STPG1: variants seen among roughly 807,000 people sequenced by gnomAD.
STPG1 encodes sperm tail PG-rich repeat containing 1.
A neutral mutation model predicts 40.1 loss-of-function variants in STPG1; 33 were observed. The observed-to-expected ratio is 0.82, with a 90% CI of 0.62 to 1.10. STPG1 has a LOEUF of 1.10. Ranked by LOEUF, STPG1 falls within the 50% of genes least tolerant of loss-of-function variation. The pLI is 0.00. For synonymous variants in STPG1, 150 were observed against 155.0 expected (o/e 0.97, Z 0.24); for missense variants, 396 against 415.1 (o/e 0.95, Z 0.40).
chr1:24,378,228 T>C (rs1642119168), intron 5 of STPG1, among the ~76,000 whole-genome samples: 1 of 152,236 alleles, frequency 6.6e-6, no homozygotes, highest in Non-Finnish European at 1.5e-5. Context: ...ATAAAATTCA[T>C]AACTTTTATA....
chr1:24,384,350 G>A (rs943050248), intron 3 of STPG1, among the ~76,000 whole-genome samples: 1 of 152,238 alleles, frequency 6.6e-6, no homozygotes, highest in African/African-American at 2.4e-5. Flanking sequence ...TCAGTGTGCA[G>A]TGATTGGGTA....
At chr1:24,388,898 G>A (rs1346744836) in intron 3 of STPG1, among the ~76,000 whole-genome samples, 2 of 152,198 alleles carry the variant, frequency 1.3e-5, no homozygotes, top group Admixed American at 6.5e-5. Flanking sequence ...TGTTTCAGTT[G>A]AGGAAACTGA....
intron 1 of STPG1, among the ~76,000 whole-genome samples, chr1:24,402,070 T>G (rs1487760984): frequency 1.3e-5 from 2 of 152,192 alleles, no homozygotes; most frequent in African/African-American, 4.8e-5. Context: ...ATTCCAAGTT[T>G]TGGCAAATGT....
At position 24,357,555 on chromosome 1, in the gene STPG1, T is replaced by A. The variant is rs1640804788; in HGVS notation, c.*988A>T. The A allele has an allele frequency of 6.4e-6, 1 of 155,308 alleles. No homozygotes were observed. Among genetic ancestry groups the A allele is most frequent in the South Asian group, 2.0e-4 (1 of 4,980 alleles). 9.6% of individuals were successfully genotyped at this position (155,308 alleles called of 1,614,324 possible). On this transcript the variant is annotated 3_prime_UTR_variant, in exon 9 of 9. Transcript: ENST00000337248. Reference sequence around the variant, plus strand: ...GGTGATTACAGTGTGCAGTCAAGGCTGAGAACCACTTCTCTGGAGAGGCCA... The same window carrying A: ...GGTGATTACAGTGTGCAGTCAAGGCAGAGAACCACTTCTCTGGAGAGGCCA...
In STPG1 at chr1:24,366,377, C is replaced by T. The variant is rs1282033992; in HGVS notation, c.737+3297G>A. Among the ~76,000 whole-genome samples the T allele has an allele frequency of 3.3e-5, 5 of 152,190 alleles. No homozygotes were observed. In the East Asian group the frequency reaches 9.6e-4, roughly 29 times the overall value. On this transcript the variant is annotated intron_variant, in intron 7 of 8. Coordinates refer to ENST00000337248, the MANE Select transcript of STPG1 (RefSeq NM_001199013.2). ...CGTGTAGCTCCTGTCCCTCTCTTCC[C>T]TCCAGGGACACAGGAGAAAACAGAA...
At chr1:24,408,498 C>T (rs1054138789) in intron 1 of STPG1, among the ~76,000 whole-genome samples, 3 of 152,178 alleles carry the variant, frequency 2.0e-5, no homozygotes, top group African/African-American at 7.2e-5. Flanking sequence ...CCTCTTTGGC[C>T]TCTCTGAATT....
intron 7 of STPG1, among the ~76,000 whole-genome samples, chr1:24,367,292 AC>A (rs1258330631): frequency 2.6e-5 from 4 of 152,194 alleles, no homozygotes; most frequent in Admixed American, 2.6e-4. Context: ...ACGATCTCAA[AC>A]CACCTGTTCA....
intron 2 of STPG1, 76 bp from the exon 3 acceptor site, chr1:24,391,755 A>G: frequency 1.6e-6 from 2 of 1,215,336 alleles, no homozygotes; most frequent in Non-Finnish European, 2.2e-6. Context: ...ACAAAGGTGT[A>G]TATTAAAGTT....
rs1641871990 is a variant in STPG1, at chr1:24,373,812, TA to T, written c.463-3del. On this transcript the variant is annotated splice_region_variant and splice_polypyrimidine_tract_variant and intron_variant, in intron 5 of 8. Coordinates refer to ENST00000337248, the MANE Select transcript of STPG1 (RefSeq NM_001199013.2). ...CTGCTTGCAGCAAGAGACAGAGGCC[TA>T]GGGGGAGAAAATACACCCAATGTAC... 10 of 1,598,598 alleles carry T rather than the reference TA, an allele frequency of 6.3e-6. No individual in the cohort carries two copies. Among genetic ancestry groups the T allele is most frequent in the Non-Finnish European group, 8.6e-6 (10 of 1,166,616 alleles).
At chr1:24,390,811 TTA>T (rs1420816842) in intron 3 of STPG1, among the ~76,000 whole-genome samples, 3 of 151,940 alleles carry the variant, frequency 2.0e-5, no homozygotes, top group South Asian at 2.1e-4. Flanking sequence ...TTTTTTTTTT[TTA>T]ATTTCAGACA....
intron 4 of STPG1, among the ~76,000 whole-genome samples, chr1:24,383,192 C>T (rs1230958547): frequency 6.6e-6 from 1 of 152,214 alleles, no homozygotes; most frequent in African/African-American, 2.4e-5. Context: ...GCATTATAGG[C>T]ATGAGCCACC....
At position 24,359,952 on chromosome 1, in the gene STPG1, C is replaced by T. The variant is rs1212186599; in HGVS notation, c.928+899G>A. On this transcript the variant is annotated intron_variant, in intron 8 of 8. Coordinates refer to ENST00000337248, the MANE Select transcript of STPG1 (RefSeq NM_001199013.2). The surrounding 1 kb of genome is among the most constrained non-coding windows in gnomAD (Gnocchi z 5.3). ...ATGCTTGCCTGTAAAAAGAGTGTGG[C>T]GCTAGAAGGTTCAAAAGAGCTGCTC... is the stretch of plus-strand genomic sequence containing the variant. Among the ~76,000 whole-genome samples the T allele has an allele frequency of 2.0e-5, 3 of 152,060 alleles. No individual in the cohort carries two copies. Among genetic ancestry groups the T allele is most frequent in the East Asian group, 1.9e-4 (1 of 5,186 alleles).
intron 1 of STPG1, among the ~76,000 whole-genome samples, chr1:24,410,510 G>A (rs927204154): frequency 1.3e-5 from 2 of 152,220 alleles, no homozygotes; most frequent in African/African-American, 2.4e-5. Context: ...TCAGGAGACT[G>A]ATGCAGGAGA....
intron 2 of STPG1, among the ~76,000 whole-genome samples, chr1:24,395,731 C>G (rs1466102669): frequency 1.3e-5 from 2 of 152,014 alleles, no homozygotes; most frequent in Non-Finnish European, 1.5e-5. Context: ...CAAACCCAGC[C>G]TTGAATAATT....
intron 2 of STPG1, 63 bp downstream of exon 2, chr1:24,401,256 G>T (rs749917205): frequency 6.9e-7 from 1 of 1,447,976 alleles, no homozygotes; most frequent in South Asian, 1.2e-5. Context: ...CCCCAAATTT[G>T]CTCTTATGTA....
At chr1:24,366,353 G>T (rs937165993) in intron 7 of STPG1, among the ~76,000 whole-genome samples, 1 of 150,384 alleles carries the variant, frequency 6.6e-6, no homozygotes, top group African/African-American at 2.4e-5. Context: ...TCAGGAACCC[G>T]TGTAGCTCCT....
At chr1:24,407,983 G>C (rs1178974981) in intron 1 of STPG1, among the ~76,000 whole-genome samples, 6 of 152,096 alleles carry the variant, frequency 3.9e-5, no homozygotes, top group Non-Finnish European at 7.4e-5. Context: ...CCTATTGGTT[G>C]ATTTTCCTCT....
intron 1 of STPG1, among the ~76,000 whole-genome samples, chr1:24,407,976 A>G (rs1241129192): frequency 6.6e-6 from 1 of 151,954 alleles, no homozygotes. Context: ...GTCTGTTCCT[A>G]TTGGTTGATT....
At chr1:24,391,918 A>C (rs1404001546) in intron 2 of STPG1, 3 of 1,241,022 alleles carry the variant, frequency 2.4e-6, no homozygotes, top group Non-Finnish European at 2.0e-6. Context: ...TGGTCACATA[A>C]AGTACCTTAA....
Sources: allele counts gnomAD v4.1 joint callset (sites outside exome capture counted in the v4.1 genomes callset), GRCh38; gene constraint gnomAD v4.1.1; non-coding constraint Gnocchi (gnomAD v3.1); transcripts MANE v1.5; gene names NCBI Gene and HGNC (gene_info 2026-07-23, HGNC 2026-07-21).